ESR1: variants seen among roughly 807,000 people sequenced by gnomAD.
The protein encoded by ESR1 is estrogen receptor 1, also known as estrogen receptor.
A neutral mutation model predicts 52.7 loss-of-function variants in ESR1; 12 were observed. The observed-to-expected ratio is 0.23, with a 90% CI of 0.15 to 0.37. ESR1 has a LOEUF of 0.37. ESR1 is among the 10% of genes least tolerant of loss of function. ESR1 has a pLI of 1.00. For missense variants in ESR1, 584 were observed against 779.7 expected (o/e 0.75, Z 2.99); for synonymous variants, 305 against 316.8 (o/e 0.96, Z 0.39).
chr6:151,813,473 G>A (rs1779143823), intron 1 of ESR1: 1 of 152,082 alleles, frequency 6.6e-6, no homozygotes, highest in Non-Finnish European at 1.5e-5. Flanking sequence ...CCCTGGAGAT[G>A]TTCATCCTAT....
chr6:151,911,109 C>T (rs1343393279), intron 3 of ESR1, among the ~76,000 whole-genome samples: 1 of 152,136 alleles, frequency 6.6e-6, no homozygotes, highest in East Asian at 1.9e-4. Context: ...CTGTGTGGCC[C>T]AGTTCCTAAC....
chr6:152,106,759 T>A (rs2051071798), downstream of ESR1, among the ~76,000 whole-genome samples: 1 of 152,160 alleles, frequency 6.6e-6, no homozygotes, highest in Middle Eastern at 3.2e-3. Flanking sequence ...CAGCTAATTT[T>A]GTTTGTTTGC....
At chr6:151,943,476 A>G (rs931874089) in intron 3 of ESR1, among the ~76,000 whole-genome samples, 1 of 152,126 alleles carries the variant, frequency 6.6e-6, no homozygotes, top group South Asian at 2.1e-4. Flanking sequence ...TACAACTTTT[A>G]TGTTAGGAAA....
chr6:152,024,829 T>G (rs543784072), intron 5 of ESR1, among the ~76,000 whole-genome samples: 2 of 149,970 alleles, frequency 1.3e-5, no homozygotes, highest in East Asian at 3.9e-4. Flanking sequence ...TATACACATA[T>G]ATACACATTA....
At chr6:152,065,885 A>G (rs2047927702) in intron 6 of ESR1, among the ~76,000 whole-genome samples, 1 of 152,220 alleles carries the variant, frequency 6.6e-6, no homozygotes, top group African/African-American at 2.4e-5. Context: ...TTGGTGGAAT[A>G]ATAAAGAGGA....
intron 2 of ESR1, among the ~76,000 whole-genome samples, chr6:151,769,109 A>G (rs545147967): frequency 7.2e-5 from 11 of 152,320 alleles, no homozygotes; most frequent in African/African-American, 2.6e-4. Flanking sequence ...ATATTGACTT[A>G]CGTATTTAGG....
chr6:152,115,388 T>C (rs368296755), intron 6 of ESR1, among the ~76,000 whole-genome samples: 2 of 152,328 alleles, frequency 1.3e-5, no homozygotes, highest in African/African-American at 2.4e-5. Context: ...TTGTCCCTGA[T>C]TGGTTTTGGG....
At chr6:151,944,140 T>C (rs1202869082) in intron 3 of ESR1, 33 bp from the exon 4 acceptor site, 1 of 1,548,546 alleles carries the variant, frequency 6.5e-7, no homozygotes, top group South Asian at 1.1e-5. Flanking sequence ...GGGAAAAAAA[T>C]AAACTAATTT....
intron 3 of ESR1, among the ~76,000 whole-genome samples, chr6:151,891,790 G>T (rs1052567717): frequency 1.3e-5 from 2 of 152,010 alleles, no homozygotes; most frequent in Non-Finnish European, 2.9e-5. Context: ...GAAATGTTAC[G>T]GTGGGCACAG....
intron 5 of ESR1, among the ~76,000 whole-genome samples, chr6:152,020,534 T>A (rs2043551006): frequency 6.6e-6 from 1 of 151,896 alleles, no homozygotes; most frequent in South Asian, 2.1e-4. Flanking sequence ...CACTTCAATT[T>A]CCGCCTCCTG....
chr6:151,724,904 T>C (rs2128027537), intron 2 of ESR1, among the ~76,000 whole-genome samples: 1 of 152,308 alleles, frequency 6.6e-6, no homozygotes, highest in East Asian at 1.9e-4. Flanking sequence ...CTGCTAGGAA[T>C]CTCAGGTAAC....
chr6:151,852,503 A>G (rs991489092), intron 2 of ESR1, among the ~76,000 whole-genome samples: 10 of 152,318 alleles, frequency 6.6e-5, no homozygotes, highest in Non-Finnish European at 1.3e-4. Flanking sequence ...TTAGTCCTAC[A>G]GGGCCAAATG....
chr6:151,925,079 A>G (rs1480645894), intron 3 of ESR1, among the ~76,000 whole-genome samples: 1 of 151,746 alleles, frequency 6.6e-6, no homozygotes, highest in Non-Finnish European at 1.5e-5. Flanking sequence ...TCCCACCAGC[A>G]GTGTATAAGT....
intron 2 of ESR1, among the ~76,000 whole-genome samples, chr6:151,743,371 A>C (rs967127472): frequency 6.6e-6 from 1 of 152,282 alleles, no homozygotes; most frequent in South Asian, 2.1e-4. Flanking sequence ...TCATGTGCAA[A>C]GTACACAAGA....
chr6:151,706,163 T>C (rs756650583), intron 2 of ESR1, among the ~76,000 whole-genome samples: 7 of 152,226 alleles, frequency 4.6e-5, no homozygotes, highest in Admixed American at 2.0e-4. Flanking sequence ...TATAGATGTT[T>C]ACATTTTCTT....
chr6:151,725,183 A>G (rs1422556642), intron 2 of ESR1, among the ~76,000 whole-genome samples: 1 of 152,194 alleles, frequency 6.6e-6, no homozygotes, highest in Non-Finnish European at 1.5e-5. Flanking sequence ...ATTCTCTATG[A>G]CAACTCATTA....
intron 2 of ESR1, among the ~76,000 whole-genome samples, chr6:151,741,849 T>C (rs1046557593): frequency 1.3e-5 from 2 of 152,120 alleles, no homozygotes; most frequent in African/African-American, 2.4e-5. Flanking sequence ...TTAACTATAG[T>C]TCTCATGTTG....
intron 5 of ESR1, among the ~76,000 whole-genome samples, chr6:152,019,327 A>G (rs1035072036): frequency 1.3e-5 from 2 of 152,230 alleles, no homozygotes; most frequent in African/African-American, 2.4e-5. Flanking sequence ...CACTTTGATC[A>G]ACAAGATTAT....
At chr6:152,029,253 C>T (rs996504869) in intron 5 of ESR1, among the ~76,000 whole-genome samples, 10 of 152,180 alleles carry the variant, frequency 6.6e-5, no homozygotes, top group South Asian at 6.2e-4. Flanking sequence ...TCCAAAGGAA[C>T]GCAGCTCCTC....
Sources: allele counts gnomAD v4.1 joint callset (sites outside exome capture counted in the v4.1 genomes callset), GRCh38; gene constraint gnomAD v4.1.1; transcripts MANE v1.5; gene names NCBI Gene and HGNC (gene_info 2026-07-23, HGNC 2026-07-21).